The following ERI2 variants were observed in gnomAD, a reference collection of about 807,000 sequenced individuals.
ERI2 encodes the protein ERI1 exoribonuclease family member 2.
In ERI2, 35 loss-of-function variants were observed where a neutral mutation model predicts 46.8. The observed-to-expected ratio is 0.75, with a 90% CI of 0.57 to 0.99. The LOEUF is 0.99. Among genes scored for constraint, ERI2 ranks in the 50% least tolerant of loss-of-function variants. The pLI, the probability that ERI2 is intolerant of heterozygous loss-of-function variation, is 0.00. For missense variants in ERI2, 695 were observed against 796.2 expected, an observed-to-expected ratio of 0.87 and a Z score of 1.53; for synonymous variants, 224 against 271.0, an observed-to-expected ratio of 0.83 and a Z score of 1.70.
In ERI2 at chr16:20,801,350, C is replaced by T. The variant is rs1406335782; in HGVS notation, c.313G>A (p.Asp105Asn). 1.3e-6 allele frequency: 2 copies of T among 1,594,994 alleles called. No individual in the cohort carries two copies. The highest frequency in any genetic ancestry group is 1.4e-5 in the African/African-American group (1 of 74,070). ...CAAATCTTCAGAGGGACTCCTTCAT[C>T]AACTTGAGCCTGAGTAGAGAGTCAC... is the stretch of plus-strand genomic sequence containing the variant. ...ELTGIKQAQV[D>N]EGVPLKICLS... The change falls in exon 5 of 9, where the codon GAT becomes AAT. Residue 105 changes from aspartate to asparagine, a missense_variant. By Grantham distance (23) the Asp-to-Asn change is conservative (BLOSUM62 1). Coordinates refer to ENST00000357967, the MANE Select transcript of ERI2 (RefSeq NM_001142725.2).
chr16:20,794,932 C>A (rs1289700531), downstream of ERI2, among the ~76,000 whole-genome samples: 1 of 152,142 alleles, frequency 6.6e-6, no homozygotes, highest in East Asian at 1.9e-4. Flanking sequence ...AAGAGACTAT[C>A]CAAGTTGTAG....
chr16:20,803,250 T>G (rs2080815174), intron 3 of ERI2, among the ~76,000 whole-genome samples, 183 bp downstream of exon 3: 1 of 152,244 alleles, frequency 6.6e-6, no homozygotes, highest in African/African-American at 2.4e-5. Context: ...ATAAAACAAC[T>G]ATTTTATATA....
chr16:20,790,766 A>G lies in ERI2; in HGVS notation c.815+84T>C. Reference sequence around the variant, plus strand: ...TAACAATCCCTGTTTGCCACAAAACATACCTAGGATAGGTACTTGACCCTT... The same window carrying G: ...TAACAATCCCTGTTTGCCACAAAACGTACCTAGGATAGGTACTTGACCCTT... On this transcript the variant is annotated intron_variant, in intron 9 of 10. Transcript: ENST00000300005. The surrounding 1 kb of genome is among the most constrained non-coding windows in gnomAD (Gnocchi z 4.0). The G allele has an allele frequency of 6.2e-7, 1 of 1,613,224 alleles. No homozygotes were observed. The highest frequency in any genetic ancestry group is 8.5e-7 in the Non-Finnish European group (1 of 1,179,336).
intron 10 of ERI2, among the ~76,000 whole-genome samples, chr16:20,785,573 A>T (rs2080453450): frequency 6.6e-6 from 1 of 152,110 alleles, no homozygotes; most frequent in Non-Finnish European, 1.5e-5. Context: ...GAAATGAATG[A>T]AATAAGAACA....
At position 20,798,636 on chromosome 16, in the gene ERI2, A is replaced by T; in HGVS notation, c.1164T>A (p.His388Gln). The change falls in exon 9 of 9, where the codon CAT becomes CAA. Residue 388 changes from histidine (H) to glutamine (Q), a missense_variant. Physicochemically the swap from His to Gln is conservative, Grantham distance 24 (BLOSUM62 0). Transcript: ENST00000357967. ...AGCTCATTTCCAAATCAGAAACATG[A>T]TGAACAGTTGGAACGGTGGTAGAAA... is the stretch of plus-strand genomic sequence containing the variant. ...VLVSTTVPTVHHVSDLEMSST... is the reference protein window; with the variant it reads ...VLVSTTVPTVQHVSDLEMSST... The T allele has an allele frequency of 1.3e-6, 2 of 1,551,656 alleles. No individual in the cohort carries two copies. Among genetic ancestry groups the T allele is most frequent in the Non-Finnish European group, 1.7e-6 (2 of 1,146,928 alleles).
In ERI2 at chr16:20,780,974, G is replaced by C. The variant is rs750834013; in HGVS notation, c.895-240C>G. 4.5e-5 allele frequency: 73 copies of C among 1,613,906 alleles called. No homozygotes were observed. The highest frequency in any genetic ancestry group is 5.9e-5 in the Non-Finnish European group (70 of 1,180,016). ...TCAGGGCTACTCTTTGTTTTCCCAGGTTCTGGCTAGATTTGACACCCTCAG... is the reference window on the plus strand; with the variant it reads ...TCAGGGCTACTCTTTGTTTTCCCAGCTTCTGGCTAGATTTGACACCCTCAG... On this transcript the variant is annotated intron_variant, in intron 10 of 10. Coordinates refer to the ERI2 transcript ENST00000300005.
intron 10 of ERI2, among the ~76,000 whole-genome samples, chr16:20,782,172 TGAA>T (rs1188277947): frequency 6.6e-6 from 1 of 152,220 alleles, no homozygotes; most frequent in African/African-American, 2.4e-5. Context: ...TGATTCCATT[TGAA>T]AGGGTTCATT....
At chr16:20,782,911 C>T (rs1443828409) in intron 10 of ERI2, among the ~76,000 whole-genome samples, 1 of 152,252 alleles carries the variant, frequency 6.6e-6, no homozygotes, top group African/African-American at 2.4e-5. Flanking sequence ...GCAGCAGCTT[C>T]TATCCCTGTG....
chr16:20,796,131 C>G, downstream of ERI2: 1 of 497,928 alleles, frequency 2.0e-6, no homozygotes, highest in Non-Finnish European at 3.4e-6. Flanking sequence ...ATAAGTAATC[C>G]CCCATGCTGA....
At position 20,797,672 on chromosome 16, in the gene ERI2, T is replaced by C; in HGVS notation, c.*52A>G. The C allele has an allele frequency of 1.4e-6, 2 of 1,468,094 alleles. No individual in the cohort carries two copies. The highest frequency in any genetic ancestry group is 1.8e-6 in the Non-Finnish European group (2 of 1,111,946). The allele number at this position is 1,468,094 out of a possible 1,614,324, so 90.9% of individuals were successfully genotyped here. A position where few individuals can be genotyped will look rare whatever the true frequency, so the allele number is the denominator to read the frequency against. ...AAAATAGTGTAAGATGTTATCAGAA[T>C]ACTCATGTTTGGAAATTCAAGGAAC... is the stretch of plus-strand genomic sequence containing the variant. On this transcript the variant is annotated 3_prime_UTR_variant, in exon 9 of 9. Coordinates refer to ENST00000357967, the MANE Select transcript of ERI2 (RefSeq NM_001142725.2).
chr16:20,796,132 C>T (rs530468968), downstream of ERI2: 68 of 512,784 alleles, frequency 1.3e-4, 1 homozygote, highest in African/African-American at 1.2e-3. Flanking sequence ...TAAGTAATCC[C>T]CCATGCTGAG....
At position 20,796,370 on chromosome 16, in the gene ERI2, G is replaced by T. The variant is rs201313203; in HGVS notation, c.*1354C>A. 115 of 1,607,632 alleles carry T rather than the reference G, an allele frequency of 7.2e-5. 1 individual carries two copies. The Admixed American group carries it at 2.0e-3, about 28-fold the overall frequency. On this transcript the variant is annotated 3_prime_UTR_variant, in exon 9 of 9. Coordinates refer to ENST00000357967, the MANE Select transcript of ERI2 (RefSeq NM_001142725.2). Reference sequence around the variant, plus strand: ...CTGGTGTTTCAAATATTTATTTTAGGTAGTAAAGGCTTTTGTCGTTCTAAA... The same window carrying T: ...CTGGTGTTTCAAATATTTATTTTAGTTAGTAAAGGCTTTTGTCGTTCTAAA...
chr16:20,791,480 G>A (rs150675046), downstream of ERI2, among the ~76,000 whole-genome samples: 236 of 152,300 alleles, frequency 1.5e-3, 3 homozygotes, highest in South Asian at 6.8e-3. Context: ...ATCTCAAGAT[G>A]GAAACATGAC....
intron 10 of ERI2, among the ~76,000 whole-genome samples, chr16:20,789,097 T>C (rs2080537291): frequency 6.6e-6 from 1 of 152,216 alleles, no homozygotes; most frequent in African/African-American, 2.4e-5. Context: ...GAGCAAAATC[T>C]GATGTATAAA....
At chr16:20,805,087 G>A (rs573164937) in intron 1 of ERI2, among the ~76,000 whole-genome samples, 9 of 152,160 alleles carry the variant, frequency 5.9e-5, no homozygotes, top group Non-Finnish European at 5.9e-5. Context: ...TATGCACAGC[G>A]CATCCAGGAA....
In ERI2 at chr16:20,798,711, T is replaced by A. The variant is rs535068465; in HGVS notation, c.1089A>T (p.Ala363=). Residue 363 remains alanine (A), a synonymous_variant, in exon 9 of 9, where the codon GCA becomes GCT. Coordinates refer to ENST00000357967, the MANE Select transcript of ERI2 (RefSeq NM_001142725.2). ...TTGAAGCCTTAGATTTGGTATTAAATGCAAGATGTTCATTTTTTCCTTGCT... is the reference window on the plus strand; with the variant it reads ...TTGAAGCCTTAGATTTGGTATTAAAAGCAAGATGTTCATTTTTTCCTTGCT... The part of the protein sequence containing the change: ...MQKQGKNEHL[A]FNTKSKASTV... The A allele has an allele frequency of 1.7e-5, 27 of 1,551,678 alleles. 1 individual carries two copies. The East Asian group carries it at 3.4e-4, about 20-fold the overall frequency.
intron 10 of ERI2, among the ~76,000 whole-genome samples, chr16:20,783,019 T>C (rs1211616659): frequency 2.6e-5 from 4 of 152,172 alleles, no homozygotes; most frequent in Non-Finnish European, 5.9e-5. Context: ...TGATTGATTA[T>C]TAAGTCAATC....
At chr16:20,782,622 A>G (rs1418073281) in intron 10 of ERI2, among the ~76,000 whole-genome samples, 3 of 152,196 alleles carry the variant, frequency 2.0e-5, no homozygotes, top group Non-Finnish European at 4.4e-5. Context: ...AGGCAGCATC[A>G]TATCCCACAG....
At chr16:20,785,594 TAAG>T (rs1479512492) in intron 10 of ERI2, among the ~76,000 whole-genome samples, 1 of 151,556 alleles carries the variant, frequency 6.6e-6, no homozygotes, top group African/African-American at 2.4e-5. Flanking sequence ...AAAAATGAAA[TAAG>T]AACAAAAAAT....
Sources: allele counts gnomAD v4.1 joint callset (sites outside exome capture counted in the v4.1 genomes callset), GRCh38; gene constraint gnomAD v4.1.1; non-coding constraint Gnocchi (gnomAD v3.1); transcripts MANE v1.5; gene names NCBI Gene and HGNC (gene_info 2026-07-23, HGNC 2026-07-21).